TRIP12: variants seen among roughly 807,000 people sequenced by gnomAD.
The protein encoded by TRIP12 is E3 ubiquitin-protein ligase TRIP12.
Under a neutral mutation model 244.2 loss-of-function variants are expected in TRIP12, and 25 were observed. The observed-to-expected ratio is 0.10, with a 90% CI of 0.07 to 0.14. TRIP12 has a LOEUF of 0.14. Ranked by LOEUF, TRIP12 falls within the 10% of genes least tolerant of loss-of-function variation. TRIP12 has a pLI of 1.00. For synonymous variants in TRIP12, 905 were observed against 873.1 expected, an observed-to-expected ratio of 1.04 and a Z score of -0.64; for missense variants, 1,677 against 2,486.4, an observed-to-expected ratio of 0.67 and a Z score of 6.92.
intron 34 of TRIP12, among the ~76,000 whole-genome samples, chr2:229,784,471 G>A (rs2039361434): frequency 3.3e-5 from 5 of 149,694 alleles, no homozygotes; most frequent in Admixed American, 3.3e-4. Flanking sequence ...CTGAGACCAT[G>A]GTTTAGAGAA....
At chr2:229,794,900 G>A (rs2042429891) in intron 26 of TRIP12, 1 of 224,434 alleles carries the variant, frequency 4.5e-6, no homozygotes, top group Admixed American at 5.7e-5. Context: ...AGTTTTGTAT[G>A]CTGAAGTGTA....
At chr2:229,811,261 T>C (rs763387145) in intron 13 of TRIP12, 57 bp from the exon 14 acceptor site, 19 of 1,518,818 alleles carry the variant, frequency 1.3e-5, no homozygotes, top group Non-Finnish European at 1.6e-5. Flanking sequence ...TTCACTGTCA[T>C]GTATCACTAC....
At chr2:229,804,297 A>G in intron 18 of TRIP12, 70 bp from the exon 19 acceptor site, 1 of 1,319,130 alleles carries the variant, frequency 7.6e-7, no homozygotes. Flanking sequence ...TAAACAATAT[A>G]AAATACTCAA....
intron 1 of TRIP12, among the ~76,000 whole-genome samples, chr2:229,916,232 G>A (rs2075354506): frequency 6.6e-6 from 1 of 152,196 alleles, no homozygotes; most frequent in African/African-American, 2.4e-5. Flanking sequence ...AAAGTACTAA[G>A]TTAAATTATT....
intron 8 of TRIP12, among the ~76,000 whole-genome samples, chr2:229,822,184 T>A (rs2050248249): frequency 6.6e-6 from 1 of 151,418 alleles, no homozygotes; most frequent in Non-Finnish European, 1.5e-5. Flanking sequence ...GAGGGGAGAG[T>A]AAGAAGTTTT....
chr2:229,855,522 A>G (rs1412124647), intron 4 of TRIP12, among the ~76,000 whole-genome samples: 1 of 151,160 alleles, frequency 6.6e-6, no homozygotes, highest in Non-Finnish European at 1.5e-5. Flanking sequence ...ACCAAATAAC[A>G]TTTCATTTTC....
At chr2:229,852,890 T>C (rs2058979361) in intron 4 of TRIP12, among the ~76,000 whole-genome samples, 1 of 152,226 alleles carries the variant, frequency 6.6e-6, no homozygotes, top group Non-Finnish European at 1.5e-5. Flanking sequence ...CATGAACCAC[T>C]ACTGGTTCCC....
intron 20 of TRIP12, among the ~76,000 whole-genome samples, chr2:229,803,332 T>TC (rs1406441822): frequency 6.6e-6 from 1 of 152,242 alleles, no homozygotes; most frequent in African/African-American, 2.4e-5. Context: ...CAGGCTGGTC[T>TC]CCAACTCCTG....
chr2:229,833,808 T>A (rs2054065535), intron 6 of TRIP12, among the ~76,000 whole-genome samples: 1 of 151,952 alleles, frequency 6.6e-6, no homozygotes, highest in Non-Finnish European at 1.5e-5. Flanking sequence ...TTTACAAAAT[T>A]AGTTTGGTTT....
At chr2:229,774,066 T>C (rs1428931416) in intron 38 of TRIP12, 31 bp downstream of exon 38, 6 of 1,600,540 alleles carry the variant, frequency 3.7e-6, no homozygotes, top group Non-Finnish European at 5.1e-6. Flanking sequence ...TCTTCACAAC[T>C]GGCCTACCCC....
intron 6 of TRIP12, among the ~76,000 whole-genome samples, chr2:229,836,122 C>T (rs1321042407): frequency 1.3e-5 from 2 of 152,132 alleles, no homozygotes; most frequent in East Asian, 3.8e-4. Context: ...TAATAGTAAA[C>T]AATAGTATCT....
intron 8 of TRIP12, among the ~76,000 whole-genome samples, chr2:229,821,329 G>A (rs760922114): frequency 2.6e-5 from 4 of 152,138 alleles, no homozygotes; most frequent in Non-Finnish European, 5.9e-5. Context: ...TGACCTTATA[G>A]AACTCATTTA....
intron 1 of TRIP12, among the ~76,000 whole-genome samples, chr2:229,910,866 A>G (rs1560313371): frequency 6.6e-6 from 1 of 152,204 alleles, no homozygotes. Context: ...ATTACTAATG[A>G]CAGTTGAGAA....
At chr2:229,829,376 G>C (rs914830677) in intron 7 of TRIP12, 88 bp from the exon 8 acceptor site, 3 of 1,006,368 alleles carry the variant, frequency 3.0e-6, no homozygotes, top group Admixed American at 2.6e-5. Flanking sequence ...GATTCATCTC[G>C]CTTAACTGAT....
At chr2:229,869,497 A>T (rs1324163381) in intron 2 of TRIP12, among the ~76,000 whole-genome samples, 4 of 152,192 alleles carry the variant, frequency 2.6e-5, no homozygotes, top group African/African-American at 9.7e-5. Context: ...CAATGAGGTC[A>T]TCTCTAGAAA....
At chr2:229,868,413 G>T (rs1441043344) in intron 2 of TRIP12, among the ~76,000 whole-genome samples, 1 of 152,080 alleles carries the variant, frequency 6.6e-6, no homozygotes, top group Non-Finnish European at 1.5e-5. Context: ...ATTTTGCCCA[G>T]GCTGCTCTTG....
intron 34 of TRIP12, 90 bp downstream of exon 34, chr2:229,785,667 T>G: frequency 8.2e-7 from 1 of 1,219,912 alleles, no homozygotes; most frequent in Non-Finnish European, 1.2e-6. Flanking sequence ...CCAACTGTCT[T>G]TCAGAATTTC....
At chr2:229,876,045 G>A (rs1235717094) in intron 2 of TRIP12, among the ~76,000 whole-genome samples, 1 of 152,144 alleles carries the variant, frequency 6.6e-6, no homozygotes. Flanking sequence ...AGGCTGAAGT[G>A]GGTGGATCAC....
chr2:229,881,838 T>C (rs1670657022), intron 1 of TRIP12, among the ~76,000 whole-genome samples: 1 of 152,194 alleles, frequency 6.6e-6, no homozygotes, highest in South Asian at 2.1e-4. Context: ...CATGGAAAGA[T>C]GCATGAAACA....
Sources: gnomAD v4.1 joint callset for allele counts (sites outside exome capture counted in the v4.1 genomes callset) on GRCh38, gnomAD v4.1.1 for gene constraint, MANE v1.5 for transcripts, NCBI Gene and HGNC (gene_info 2026-07-23, HGNC 2026-07-21) for gene names.